Variants in HAVCR1 observed in about 807,000 individuals in gnomAD.
HAVCR1 encodes the protein T cell immunoglobin domain and mucin domain protein 1.
A neutral mutation model predicts 32.0 loss-of-function variants in HAVCR1; 34 were observed. That is an observed-to-expected ratio of 1.06 (90% CI 0.81 to 1.42). HAVCR1 has a LOEUF of 1.42. Ranked by LOEUF, HAVCR1 falls within the 40% of genes most tolerant of loss-of-function variation. HAVCR1 has a pLI of 0.00. For missense variants in HAVCR1, 420 were observed against 442.3 expected (o/e 0.95, Z 0.45); for synonymous variants, 178 against 170.3 (o/e 1.05, Z -0.35).
chr5:157,063,576 T>A (rs6866690), upstream of HAVCR1, among the ~76,000 whole-genome samples: 6 of 152,006 alleles, frequency 3.9e-5, no homozygotes, highest in Middle Eastern at 3.4e-3. Flanking sequence ...TGAGCACCAC[T>A]CCTGGCCTCA....
upstream of HAVCR1, among the ~76,000 whole-genome samples, chr5:157,062,711 G>C (rs2113663762): frequency 6.6e-6 from 1 of 152,162 alleles, no homozygotes; most frequent in Non-Finnish European, 1.5e-5. Context: ...CCCTAAGCTA[G>C]TTATTTTCCT....
At chr5:157,037,194 G>C (rs1438443572) in intron 7 of HAVCR1, 53 bp downstream of exon 7, 1 of 858,372 alleles carries the variant, frequency 1.2e-6, no homozygotes, top group Admixed American at 1.8e-5. Context: ...GTGAACCCAG[G>C]CAATTTTGCT....
chr5:157,044,424 A>G (rs56709216), intron 5 of HAVCR1, among the ~76,000 whole-genome samples: 2 of 12,524 alleles, frequency 1.6e-4, no homozygotes, highest in African/African-American at 4.1e-4. Context: ...AAGGAAGGAG[A>G]AAGAAAGAAA....
chr5:157,050,749 T>C, intron 4 of HAVCR1, among the ~76,000 whole-genome samples: 1 of 152,168 alleles, frequency 6.6e-6, no homozygotes, highest in East Asian at 1.9e-4. Flanking sequence ...TCTAACAGAC[T>C]CTCTAGTGTG....
At chr5:157,060,367 C>T (rs1053255588), upstream of HAVCR1, among the ~76,000 whole-genome samples, 3 of 152,144 alleles carry the variant, frequency 2.0e-5, no homozygotes, top group African/African-American at 7.2e-5. Flanking sequence ...TTCTTTCCAA[C>T]TTGCCTCAAC....
intron 8 of HAVCR1, among the ~76,000 whole-genome samples, chr5:157,031,781 A>G (rs1754187335): frequency 7.5e-6 from 1 of 134,100 alleles, no homozygotes; most frequent in African/African-American, 2.9e-5. Context: ...ATTGCATTCC[A>G]GCCTGGGTGT....
intron 6 of HAVCR1, among the ~76,000 whole-genome samples, chr5:157,040,285 T>C (rs1466124132): frequency 5.5e-5 from 8 of 146,226 alleles, no homozygotes; most frequent in Admixed American, 1.4e-4. Context: ...GTAACAAGAG[T>C]GAAACTCTGT....
chr5:157,052,229 C>A, intron 4 of HAVCR1, 132 bp downstream of exon 4: 1 of 762,446 alleles, frequency 1.3e-6, no homozygotes, highest in South Asian at 1.8e-5. Context: ...ATCACAAACC[C>A]TGAGGAGACC....
intron 6 of HAVCR1, among the ~76,000 whole-genome samples, chr5:157,040,615 C>T (rs1487454816): frequency 1.3e-5 from 2 of 152,164 alleles, no homozygotes; most frequent in South Asian, 2.1e-4. Context: ...GGATTATTCT[C>T]GGGCCAGCTG....
intron 6 of HAVCR1, among the ~76,000 whole-genome samples, 190 bp downstream of exon 6, chr5:157,042,437 G>A (rs574323908): frequency 5.1e-4 from 30 of 58,534 alleles, no homozygotes; most frequent in South Asian, 1.9e-3. Context: ...GCAAGACTCC[G>A]TCTCAAAAAA....
At chr5:157,046,048 C>T (rs147151718) in intron 5 of HAVCR1, among the ~76,000 whole-genome samples, 5 of 152,140 alleles carry the variant, frequency 3.3e-5, no homozygotes, top group Non-Finnish European at 2.9e-5. Context: ...AAACAGTTTG[C>T]GCTGAGGATT....
chr5:157,059,304 C>T (rs979101290), upstream of HAVCR1, among the ~76,000 whole-genome samples: 1 of 152,218 alleles, frequency 6.6e-6, no homozygotes, highest in East Asian at 1.9e-4. Context: ...CAGTGGTGGT[C>T]TGTATCTTGC....
intron 2 of HAVCR1, among the ~76,000 whole-genome samples, chr5:157,057,431 G>T (rs796179499): frequency 1.4e-5 from 2 of 146,434 alleles, no homozygotes; most frequent in African/African-American, 5.2e-5. Context: ...AAGAAAGAAA[G>T]AAAGAAAGAA....
chr5:157,066,888 A>G, the HAVCR1 span, among the ~76,000 whole-genome samples: 6 of 152,166 alleles, frequency 3.9e-5, no homozygotes, highest in African/African-American at 1.2e-4. Flanking sequence ...GGAGTTCGAG[A>G]CCAGCCTGAC....
chr5:157,054,564 T>A (rs1756001329), intron 3 of HAVCR1, among the ~76,000 whole-genome samples: 2 of 152,160 alleles, frequency 1.3e-5, no homozygotes, highest in Admixed American at 6.6e-5. Context: ...TTCAGCTTGA[T>A]AAAAATATTC....
At chr5:157,058,338 C>T (rs1452947845) in intron 1 of HAVCR1, 7 of 162,870 alleles carry the variant, frequency 4.3e-5, no homozygotes, top group Non-Finnish European at 6.7e-5. Flanking sequence ...CCAAGGCGGG[C>T]AGATCACGAA....
At chr5:157,044,473 AAGGAAGG>A (rs1561590454) in intron 5 of HAVCR1, among the ~76,000 whole-genome samples, 714 of 45,274 alleles carry the variant, frequency 0.016, 43 homozygotes, top group Admixed American at 0.023. Context: ...GAAAGAAAGG[AAGGAAGG>A]AAGGAAGGAA....
the HAVCR1 span, among the ~76,000 whole-genome samples, chr5:157,068,074 C>T: frequency 6.6e-6 from 1 of 152,166 alleles, no homozygotes; most frequent in Admixed American, 6.5e-5. Flanking sequence ...GAGTTCCAGA[C>T]CAGCCTGGCC....
At position 157,029,492 on chromosome 5, in the gene HAVCR1, C is replaced by A; in HGVS notation, c.*241G>T. The stretch of plus-strand genomic sequence containing the variant: ...AGTGTTCATATTTGAGAGAAAACTG[C>A]AATGATCAGAAGGATTGAGCCAGTT... On this transcript the variant is annotated 3_prime_UTR_variant, in exon 9 of 9. Transcript: ENST00000523175. 3 of 858,348 alleles carry A rather than the reference C, an allele frequency of 3.5e-6. No individual in the cohort carries two copies. Among genetic ancestry groups the A allele is most frequent in the Non-Finnish European group, 3.6e-6 (2 of 551,084 alleles). 53.2% of individuals were successfully genotyped at this position (858,348 alleles called of 1,614,324 possible). A position where few individuals can be genotyped will look rare whatever the true frequency, so the allele number is the denominator to read the frequency against.
Sources: allele counts gnomAD v4.1 joint callset (sites outside exome capture counted in the v4.1 genomes callset), GRCh38; gene constraint gnomAD v4.1.1; transcripts MANE v1.5; gene names NCBI Gene and HGNC (gene_info 2026-07-23, HGNC 2026-07-21).